Variants in BTF3L4 observed in about 807,000 individuals in gnomAD.
The protein encoded by BTF3L4 is transcription factor BTF3 homolog 4.
A neutral mutation model predicts 16.8 loss-of-function variants in BTF3L4; 6 were observed. The observed-to-expected ratio is 0.36, with a 90% CI of 0.20 to 0.71. The LOEUF is 0.71. Among genes scored for constraint, BTF3L4 ranks in the 30% least tolerant of loss-of-function variants. BTF3L4 has a pLI of 0.58. For synonymous variants in BTF3L4, 39 were observed against 59.8 expected (o/e 0.65, Z 1.60); for missense variants, 92 against 186.9 (o/e 0.49, Z 2.96).
At chr1:52,063,329 C>T (rs898024797) in intron 2 of BTF3L4, among the ~76,000 whole-genome samples, 1 of 152,120 alleles carries the variant, frequency 6.6e-6, no homozygotes, top group Non-Finnish European at 1.5e-5. Flanking sequence ...GAGGATCATT[C>T]GAGTTGAACA....
In BTF3L4 at chr1:52,086,817, A is replaced by G. The variant is rs1177182482; in HGVS notation, c.*59A>G. 5 of 1,119,268 alleles carry G rather than the reference A, an allele frequency of 4.5e-6. No individual in the cohort carries two copies. The highest frequency in any genetic ancestry group is 6.5e-6 in the Non-Finnish European group (5 of 767,358). The allele number at this position is 1,119,268 out of a possible 1,614,324, so 69.3% of individuals were successfully genotyped here. The stretch of plus-strand genomic sequence containing the variant: ...TTTAACAAATCAGCTATGTGGTTCC[A>G]AAGTTTTACAGACATGGAGAACATC... On this transcript the variant is annotated 3_prime_UTR_variant, in exon 6 of 6. Transcript: ENST00000313334.
At chr1:52,060,444 C>A in intron 2 of BTF3L4, 3 of 1,266,816 alleles carry the variant, frequency 2.4e-6, no homozygotes, top group Non-Finnish European at 3.1e-6. Flanking sequence ...CTCACAAATT[C>A]TTACCTGTTC....
intron 3 of BTF3L4, among the ~76,000 whole-genome samples, chr1:52,065,993 G>A (rs968024287): frequency 1.3e-5 from 2 of 151,972 alleles, no homozygotes; most frequent in African/African-American, 4.8e-5. Flanking sequence ...AGCCAAGATT[G>A]TGCCATTGCA....
intron 3 of BTF3L4, among the ~76,000 whole-genome samples, chr1:52,074,645 A>C (rs1686884151): frequency 6.6e-6 from 1 of 151,538 alleles, no homozygotes; most frequent in South Asian, 2.1e-4. Context: ...TACAGGTGTA[A>C]GCCACCACAC....
intron 3 of BTF3L4, among the ~76,000 whole-genome samples, chr1:52,070,091 C>T (rs1558006644): frequency 6.6e-6 from 1 of 151,962 alleles, no homozygotes; most frequent in Admixed American, 6.6e-5. Flanking sequence ...GTGGTGCATG[C>T]CTGTAATCCT....
chr1:52,085,085 A>G (rs1160384955), intron 4 of BTF3L4, among the ~76,000 whole-genome samples: 1 of 118,368 alleles, frequency 8.4e-6, no homozygotes, highest in African/African-American at 3.3e-5. Flanking sequence ...CAGTGGCATG[A>G]TCTTGGCTCA....
chr1:52,064,766 T>C, intron 2 of BTF3L4, 59 bp from the exon 3 acceptor site: 2 of 940,930 alleles, frequency 2.1e-6, no homozygotes, highest in Middle Eastern at 6.6e-4. Flanking sequence ...TAAGATGTGA[T>C]TGCAGTTGCC....
chr1:52,056,919 G>C (rs79241609), intron 1 of BTF3L4, among the ~76,000 whole-genome samples: 6 of 152,308 alleles, frequency 3.9e-5, no homozygotes, highest in African/African-American at 1.4e-4. Context: ...GACAGGCTCA[G>C]TGTTGCACAG....
At chr1:52,081,640 A>G (rs1190100404) in intron 3 of BTF3L4, among the ~76,000 whole-genome samples, 1 of 152,148 alleles carries the variant, frequency 6.6e-6, no homozygotes, top group African/African-American at 2.4e-5. Flanking sequence ...AAAACTATAT[A>G]ATTTATCTTT....
intron 3 of BTF3L4, among the ~76,000 whole-genome samples, chr1:52,079,239 C>T (rs1014973656): frequency 2.0e-4 from 30 of 151,788 alleles, no homozygotes; most frequent in African/African-American, 6.8e-4. Flanking sequence ...TTGAATTAGT[C>T]GGGCATGGTG....
chr1:52,059,670 A>G (rs930366197), intron 1 of BTF3L4, among the ~76,000 whole-genome samples, 165 bp from the exon 2 acceptor site: 5 of 152,342 alleles, frequency 3.3e-5, no homozygotes, highest in Admixed American at 2.0e-4. Flanking sequence ...TGGTTTATGA[A>G]GCTAGAACAA....
At chr1:52,070,765 G>A (rs1223085651) in intron 3 of BTF3L4, among the ~76,000 whole-genome samples, 1 of 150,632 alleles carries the variant, frequency 6.6e-6, no homozygotes, top group African/African-American at 2.4e-5. Flanking sequence ...AGCCTCCTGA[G>A]TGGCTGGGAT....
chr1:52,087,634 C>G lies in BTF3L4; in HGVS notation c.*876C>G, dbSNP rs1484229803. ...AACTTTTTATTTCTCCCTGATGTTA[C>G]AGTTTGGTAGATTTCAAACTGGAAT... On this transcript the variant is annotated 3_prime_UTR_variant, in exon 6 of 6. Coordinates refer to ENST00000313334, the MANE Select transcript of BTF3L4 (RefSeq NM_152265.5). 2 of 152,348 alleles carry G rather than the reference C, an allele frequency of 1.3e-5. No homozygotes were observed. Among genetic ancestry groups the G allele is most frequent in the East Asian group, 3.9e-4 (2 of 5,184 alleles). 9.4% of individuals were successfully genotyped at this position (152,348 alleles called of 1,614,324 possible).
intron 3 of BTF3L4, among the ~76,000 whole-genome samples, chr1:52,065,618 C>T (rs375517981): frequency 6.6e-6 from 1 of 152,110 alleles, no homozygotes; most frequent in Non-Finnish European, 1.5e-5. Context: ...TAGAGGTAGA[C>T]TTTTTTACCC....
intron 3 of BTF3L4, among the ~76,000 whole-genome samples, chr1:52,077,476 A>T (rs1166126578): frequency 6.6e-6 from 1 of 152,166 alleles, no homozygotes; most frequent in East Asian, 1.9e-4. Flanking sequence ...CGGGAAGCAG[A>T]TGTTGCAGTG....
At chr1:52,086,224 T>C in intron 5 of BTF3L4, 53 bp downstream of exon 5, 1 of 1,350,498 alleles carries the variant, frequency 7.4e-7, no homozygotes, top group East Asian at 2.3e-5. Flanking sequence ...TTATCTCCTT[T>C]CAGTCATTGC....
chr1:52,083,245 A>G (rs1643941242), intron 3 of BTF3L4, 95 bp from the exon 4 acceptor site: 3 of 1,021,144 alleles, frequency 2.9e-6, no homozygotes, highest in East Asian at 5.1e-5. Flanking sequence ...ATAACTACCA[A>G]GTAAAGAACC....
intron 3 of BTF3L4, among the ~76,000 whole-genome samples, chr1:52,069,522 C>T (rs1287287753): frequency 6.6e-6 from 1 of 152,046 alleles, no homozygotes; most frequent in Non-Finnish European, 1.5e-5. Context: ...TTAATTAAAA[C>T]TTTGTTATTT....
chr1:52,063,231 A>T (rs1042212429), intron 2 of BTF3L4, among the ~76,000 whole-genome samples: 2 of 152,212 alleles, frequency 1.3e-5, no homozygotes, highest in African/African-American at 4.8e-5. Context: ...ACTTGAGTAT[A>T]TGGTGGTACC....
Sources: allele counts gnomAD v4.1 joint callset (sites outside exome capture counted in the v4.1 genomes callset), GRCh38; gene constraint gnomAD v4.1.1; transcripts MANE v1.5; gene names NCBI Gene and HGNC (gene_info 2026-07-23, HGNC 2026-07-21).